AKAP6: variants seen among roughly 807,000 people sequenced by gnomAD.
AKAP6 encodes the protein A-kinase anchor protein 6.
A neutral mutation model predicts 188.5 loss-of-function variants in AKAP6; 58 were observed. The observed-to-expected ratio is 0.31, with a 90% CI of 0.25 to 0.38. The LOEUF is 0.38. Ranked by LOEUF, AKAP6 falls within the 10% of genes least tolerant of loss-of-function variation. The probability of loss-of-function intolerance (pLI) is 1.00; values close to 1 mark genes in which losing one functional copy is unlikely to be tolerated. For missense variants in AKAP6, 2,710 were observed against 2,740.0 expected (o/e 0.99, Z 0.24); for synonymous variants, 989 against 998.6 (o/e 0.99, Z 0.18).
chr14:32,354,511 C>T (rs937933445), intron 1 of AKAP6, among the ~76,000 whole-genome samples: 7 of 152,126 alleles, frequency 4.6e-5, no homozygotes, highest in African/African-American at 7.2e-5. Context: ...GCATGGTAAG[C>T]GACAATGGTA....
At position 32,696,124 on chromosome 14, in the gene AKAP6, T is replaced by G. The variant is rs920949076; in HGVS notation, c.3000+14T>G. On this transcript the variant is annotated intron_variant, in intron 9 of 13. Coordinates refer to ENST00000280979, the MANE Select transcript of AKAP6 (RefSeq NM_004274.5). Reference sequence around the variant, plus strand: ...CATCTTTACAAGGTTAGAGCTACCCTTCCTGCCTTTACCTTGCTGTGGAAG... The same window carrying G: ...CATCTTTACAAGGTTAGAGCTACCCGTCCTGCCTTTACCTTGCTGTGGAAG... 3 of 1,588,734 alleles carry G rather than the reference T, an allele frequency of 1.9e-6. No homozygotes were observed. The highest frequency in any genetic ancestry group is 1.9e-5 in the Admixed American group (1 of 52,412).
intron 1 of AKAP6, among the ~76,000 whole-genome samples, chr14:32,375,595 TA>T (rs1349732479): frequency 6.6e-6 from 1 of 151,920 alleles, no homozygotes; most frequent in Non-Finnish European, 1.5e-5. Flanking sequence ...CAGAGGGGAT[TA>T]TTCAAAAGGC....
chr14:32,415,915 T>G (rs1889642345), intron 1 of AKAP6, among the ~76,000 whole-genome samples: 1 of 152,150 alleles, frequency 6.6e-6, no homozygotes, highest in Non-Finnish European at 1.5e-5. Flanking sequence ...ATATACCAGA[T>G]TTTGCTTATC....
At chr14:32,424,137 T>G (rs1013182310) in intron 1 of AKAP6, among the ~76,000 whole-genome samples, 7 of 152,186 alleles carry the variant, frequency 4.6e-5, no homozygotes, top group African/African-American at 1.7e-4. Context: ...TCTTGGTAAG[T>G]AAGAGTGCAT....
intron 1 of AKAP6, among the ~76,000 whole-genome samples, chr14:32,387,523 TTTA>T (rs1418946049): frequency 2.0e-5 from 3 of 148,484 alleles, no homozygotes; most frequent in Admixed American, 6.7e-5. Flanking sequence ...ATATGTATTG[TTTA>T]TTATTTATTA....
intron 9 of AKAP6, among the ~76,000 whole-genome samples, chr14:32,719,738 A>G (rs754934223): frequency 1.3e-5 from 2 of 152,172 alleles, no homozygotes; most frequent in Admixed American, 1.3e-4. Flanking sequence ...TATGAATTTT[A>G]TATCATATTA....
intron 2 of AKAP6, among the ~76,000 whole-genome samples, chr14:32,512,219 A>G (rs1881295705): frequency 6.6e-6 from 1 of 152,034 alleles, no homozygotes; most frequent in Non-Finnish European, 1.5e-5. Context: ...ATTTATATTT[A>G]CTCAGAGCTA....
chr14:32,675,803 C>G (rs1023708961), intron 7 of AKAP6, among the ~76,000 whole-genome samples: 1 of 152,160 alleles, frequency 6.6e-6, no homozygotes, highest in Non-Finnish European at 1.5e-5. Context: ...GACTATTTTT[C>G]GAGTTACTCT....
intron 2 of AKAP6, among the ~76,000 whole-genome samples, chr14:32,459,981 CA>C (rs1171533191): frequency 1.3e-5 from 2 of 151,988 alleles, no homozygotes; most frequent in South Asian, 2.1e-4. Flanking sequence ...ATTGGCTGCT[CA>C]AAAAACATAA....
At chr14:32,762,868 G>T (rs2032585369) in intron 11 of AKAP6, among the ~76,000 whole-genome samples, 1 of 151,992 alleles carries the variant, frequency 6.6e-6, no homozygotes, top group South Asian at 2.1e-4. Context: ...TAGGTCAAAA[G>T]GTCAGTTCAA....
chr14:32,803,795 T>C (rs2034018893), intron 12 of AKAP6, among the ~76,000 whole-genome samples: 1 of 152,206 alleles, frequency 6.6e-6, no homozygotes, highest in Admixed American at 6.5e-5. Context: ...TGAGGTTTCC[T>C]AAAGGCATTT....
intron 11 of AKAP6, among the ~76,000 whole-genome samples, chr14:32,764,095 A>G (rs1317448690): frequency 6.6e-6 from 1 of 152,068 alleles, no homozygotes; most frequent in Non-Finnish European, 1.5e-5. Context: ...AATGTTTCCT[A>G]CCTTTTTAAT....
chr14:32,348,458 A>T (rs191134908), intron 1 of AKAP6, among the ~76,000 whole-genome samples: 3 of 129,128 alleles, frequency 2.3e-5, no homozygotes, highest in African/African-American at 9.1e-5. Flanking sequence ...CTTGTTGCCC[A>T]GGCTAAAGTG....
At chr14:32,352,646 T>G (rs1323277140) in intron 1 of AKAP6, among the ~76,000 whole-genome samples, 1 of 152,180 alleles carries the variant, frequency 6.6e-6, no homozygotes, top group Non-Finnish European at 1.5e-5. Flanking sequence ...CACAAATGAG[T>G]GCGATCATGT....
At chr14:32,531,052 G>A (rs17099227) in intron 2 of AKAP6, among the ~76,000 whole-genome samples, 67 of 152,254 alleles carry the variant, frequency 4.4e-4, no homozygotes, top group African/African-American at 1.5e-3. Context: ...GAGACAGCAA[G>A]GTATCTGGAA....
Position 32,677,064 on chromosome 14 carries a change from G to A in AKAP6, c.2731-1247G>A, listed in dbSNP as rs551997694. Among the ~76,000 whole-genome samples, 6 of 152,308 alleles carry A rather than the reference G, an allele frequency of 3.9e-5. No homozygotes were observed. The South Asian group carries it at 1.2e-3, about 32-fold the overall frequency. Reference sequence around the variant, plus strand: ...TGGTCTCAAACTCCTGACCTAAAGTGATCCACCCACCTCAGCCTCCCAAAG... The same window carrying A: ...TGGTCTCAAACTCCTGACCTAAAGTAATCCACCCACCTCAGCCTCCCAAAG... On this transcript the variant is annotated intron_variant, in intron 7 of 13. Transcript: ENST00000280979.
chr14:32,459,184 G>C (rs553021204), intron 2 of AKAP6, among the ~76,000 whole-genome samples: 2 of 152,238 alleles, frequency 1.3e-5, no homozygotes, highest in African/African-American at 4.8e-5. Flanking sequence ...GCAAAACATA[G>C]GAACAAAATA....
chr14:32,534,984 C>A (rs76454392), intron 2 of AKAP6, among the ~76,000 whole-genome samples: 253 of 94,894 alleles, frequency 2.7e-3, no homozygotes, highest in Middle Eastern at 0.012. Flanking sequence ...AAAACAAAAA[C>A]AAACCAAAAA....
At chr14:32,795,003 A>G (rs890198323) in intron 12 of AKAP6, among the ~76,000 whole-genome samples, 2 of 152,116 alleles carry the variant, frequency 1.3e-5, no homozygotes, top group South Asian at 4.1e-4. Context: ...AATACTATAA[A>G]CACCTCTATG....
Sources: gnomAD v4.1 joint callset for allele counts (sites outside exome capture counted in the v4.1 genomes callset) on GRCh38, gnomAD v4.1.1 for gene constraint, MANE v1.5 for transcripts, NCBI Gene and HGNC (gene_info 2026-07-23, HGNC 2026-07-21) for gene names.